The following ZNF385D variants were observed in gnomAD, a reference collection of about 807,000 sequenced individuals.
The protein encoded by ZNF385D is zinc finger protein 385D.
In ZNF385D, 15 loss-of-function variants were observed where a neutral mutation model predicts 35.8. The observed-to-expected ratio is 0.42, with a 90% CI of 0.28 to 0.64. The LOEUF (loss-of-function observed/expected upper bound fraction) is 0.64. Ranked by LOEUF, ZNF385D falls within the 30% of genes least tolerant of loss-of-function variation. ZNF385D has a pLI of 0.23. For synonymous variants in ZNF385D, 212 were observed against 186.8 expected (o/e 1.13, Z -1.10); for missense variants, 474 against 494.6 (o/e 0.96, Z 0.39).
intron 3 of ZNF385D, among the ~76,000 whole-genome samples, chr3:22,031,838 C>T (rs1698020991): frequency 6.6e-6 from 1 of 152,170 alleles, no homozygotes. Flanking sequence ...CCCCTTTAAA[C>T]ATAAGTTCCA....
chr3:22,176,832 C>T lies in ZNF385D; in HGVS notation c.107-7797G>A, dbSNP rs1320592187. Among the ~76,000 whole-genome samples the T allele has an allele frequency of 4.0e-5, 6 of 151,788 alleles. No individual in the cohort carries two copies. In the East Asian group the frequency reaches 9.6e-4, roughly 24 times the overall value. On this transcript the variant is annotated intron_variant, in intron 2 of 5. Transcript: ENST00000494108. The stretch of plus-strand genomic sequence containing the variant: ...CAAATGGGAGCCCATAGTTTAACCT[C>T]GAAAATAAAAACAACAACATTTTGT...
intron 1 of ZNF385D, among the ~76,000 whole-genome samples, chr3:21,693,317 G>A (rs2067345506): frequency 6.6e-6 from 1 of 152,210 alleles, no homozygotes; most frequent in Non-Finnish European, 1.5e-5. Flanking sequence ...CAACGCAGAG[G>A]AACCCAGTGT....
chr3:21,830,789 A>C (rs1034728952), intron 3 of ZNF385D, among the ~76,000 whole-genome samples: 1 of 152,240 alleles, frequency 6.6e-6, no homozygotes, highest in African/African-American at 2.4e-5. Flanking sequence ...TAGTCTTGAG[A>C]AAAACAGAAA....
At position 22,068,432 on chromosome 3, in the gene ZNF385D, G is replaced by A. The variant is rs149112735; in HGVS notation, c.325+100385C>T. On this transcript the variant is annotated intron_variant, in intron 3 of 5. Coordinates refer to the ZNF385D transcript ENST00000494108. ...AAGTGTAGTAAACAGACATCTGAAT[G>A]TCTCTTTTTCCTTTTCTTTTTCTGT... 5.2e-3 allele frequency among the ~76,000 whole-genome samples: 796 copies of A among 152,244 alleles called. 9 individuals carry two copies. Among genetic ancestry groups the A allele is most frequent in the East Asian group, 0.029 (151 of 5,176 alleles).
chr3:22,168,545 G>A (rs1455113022), intron 3 of ZNF385D: 1 of 152,362 alleles, frequency 6.6e-6, no homozygotes, highest in Non-Finnish European at 1.5e-5. Flanking sequence ...TAACTATACT[G>A]AAGGCACACA....
chr3:21,769,405 G>A (rs1167801706), intron 3 of ZNF385D, among the ~76,000 whole-genome samples: 1 of 117,106 alleles, frequency 8.5e-6, no homozygotes, highest in Admixed American at 9.2e-5. Flanking sequence ...TACAAAATCA[G>A]TGTGCAAAAA....
chr3:21,605,414 G>T (rs750214153), intron 2 of ZNF385D, among the ~76,000 whole-genome samples: 3 of 152,166 alleles, frequency 2.0e-5, no homozygotes, highest in African/African-American at 2.4e-5. Flanking sequence ...GAATCATACC[G>T]TGCCTATCGT....
At chr3:21,665,595 T>G (rs1559501416) in intron 1 of ZNF385D, among the ~76,000 whole-genome samples, 1 of 152,188 alleles carries the variant, frequency 6.6e-6, no homozygotes, top group Non-Finnish European at 1.5e-5. Context: ...GCTACGACGA[T>G]GTCTGAACTA....
At chr3:21,450,818 C>G (rs1702411782) in intron 4 of ZNF385D, among the ~76,000 whole-genome samples, 1 of 152,098 alleles carries the variant, frequency 6.6e-6, no homozygotes, top group South Asian at 2.1e-4. Flanking sequence ...ATTTGCTTTT[C>G]TTTAAAACTT....
At chr3:21,984,187 A>G (rs1475078473) in intron 3 of ZNF385D, among the ~76,000 whole-genome samples, 3 of 145,054 alleles carry the variant, frequency 2.1e-5, no homozygotes, top group Non-Finnish European at 4.4e-5. Flanking sequence ...CCATTTGTCA[A>G]TTTTGGCTTT....
Position 22,203,181 on chromosome 3 carries a change from G to C in ZNF385D, c.107-34146C>G, listed in dbSNP as rs190956267. Among the ~76,000 whole-genome samples the C allele has an allele frequency of 5.9e-3, 905 of 152,150 alleles. 12 individuals are homozygous for C. The highest frequency in any genetic ancestry group is 0.02 in the African/African-American group (842 of 41,516). ...GGGAAGACAAAGAGGACTTTCTCTT[G>C]CAACTTGGACACCAGCTTAGCCACA... On this transcript the variant is annotated intron_variant, in intron 2 of 5. Coordinates refer to the ZNF385D transcript ENST00000494108.
At chr3:21,844,711 GT>G (rs1205500421) in intron 3 of ZNF385D, among the ~76,000 whole-genome samples, 3 of 151,916 alleles carry the variant, frequency 2.0e-5, no homozygotes, top group Admixed American at 1.3e-4. Context: ...ATGGGAATTT[GT>G]TACAATCAGC....
intron 4 of ZNF385D, among the ~76,000 whole-genome samples, chr3:21,443,629 A>T (rs145895738): frequency 6.6e-6 from 1 of 152,184 alleles, no homozygotes; most frequent in Non-Finnish European, 1.5e-5. Context: ...AACTGATTTC[A>T]CTGTGTCTCT....
intron 1 of ZNF385D, among the ~76,000 whole-genome samples, chr3:21,700,649 T>G (rs998415969): frequency 2.6e-5 from 4 of 152,130 alleles, no homozygotes; most frequent in African/African-American, 9.7e-5. Flanking sequence ...TACTGGTGTG[T>G]AAAACGGTGA....
chr3:21,940,240 T>C (rs1366550831), intron 3 of ZNF385D, among the ~76,000 whole-genome samples: 2 of 152,108 alleles, frequency 1.3e-5, no homozygotes, highest in Non-Finnish European at 2.9e-5. Flanking sequence ...TATCATCAGG[T>C]AATGTGATGT....
intron 2 of ZNF385D, among the ~76,000 whole-genome samples, chr3:22,319,152 A>AT (rs1435498682): frequency 2.0e-5 from 3 of 152,156 alleles, no homozygotes; most frequent in Non-Finnish European, 4.4e-5. Flanking sequence ...TAGATGATAG[A>AT]TTTTAGAAGC....
At chr3:21,992,237 G>C (rs1467781561) in intron 3 of ZNF385D, among the ~76,000 whole-genome samples, 1 of 151,820 alleles carries the variant, frequency 6.6e-6, no homozygotes, top group African/African-American at 2.4e-5. Context: ...TCCAGTAGAA[G>C]TCAAAGATCA....
At chr3:21,641,879 T>C (rs9864337) in intron 2 of ZNF385D, among the ~76,000 whole-genome samples, 114,862 of 151,838 alleles carry the variant, frequency 0.76, 43,672 homozygotes, top group Admixed American at 0.79. Flanking sequence ...AATATCAAGC[T>C]GCACACATAA....
chr3:21,706,328 T>G (rs1183660591), intron 1 of ZNF385D, among the ~76,000 whole-genome samples: 1 of 152,126 alleles, frequency 6.6e-6, no homozygotes, highest in Non-Finnish European at 1.5e-5. Context: ...ATCATCCCTT[T>G]AAAGACAATC....
Sources: allele counts gnomAD v4.1 joint callset (sites outside exome capture counted in the v4.1 genomes callset), GRCh38; gene constraint gnomAD v4.1.1; transcripts MANE v1.5; gene names NCBI Gene and HGNC (gene_info 2026-07-23, HGNC 2026-07-21).